ARHGAP18: variants seen among roughly 807,000 people sequenced by gnomAD.
ARHGAP18 encodes rho GTPase-activating protein 18.
ARHGAP18 carries 67 observed loss-of-function variants against 86.2 expected under a neutral mutation model. That is an observed-to-expected ratio of 0.78 (90% confidence interval 0.64 to 0.95). The LOEUF is 0.95. Ranked by LOEUF, ARHGAP18 falls within the 40% of genes least tolerant of loss-of-function variation. The probability of loss-of-function intolerance (pLI) is 0.00; values close to 1 mark genes in which losing one functional copy is unlikely to be tolerated. For synonymous variants in ARHGAP18, 283 were observed against 280.4 expected (o/e 1.01, Z -0.09); for missense variants, 691 against 780.4 (o/e 0.89, Z 1.37).
intron 1 of ARHGAP18, among the ~76,000 whole-genome samples, chr6:129,653,330 C>T (rs188489358): frequency 3.9e-5 from 6 of 152,096 alleles, no homozygotes; most frequent in South Asian, 2.1e-4. Flanking sequence ...GCAGCACTTC[C>T]GTGGTAAATA....
At chr6:129,640,221 A>C (rs1773426703) in intron 2 of ARHGAP18, among the ~76,000 whole-genome samples, 1 of 152,184 alleles carries the variant, frequency 6.6e-6, no homozygotes, top group Non-Finnish European at 1.5e-5. Context: ...AAAAAGTAGA[A>C]GTAAAACTTA....
chr6:129,703,350 A>G (rs1774750505), intron 1 of ARHGAP18, among the ~76,000 whole-genome samples: 1 of 152,254 alleles, frequency 6.6e-6, no homozygotes, highest in Admixed American at 6.5e-5. Flanking sequence ...TATGATAAAT[A>G]ATAACAGAAC....
chr6:129,709,376 CCT>C (rs990914732), intron 1 of ARHGAP18, among the ~76,000 whole-genome samples: 24 of 152,232 alleles, frequency 1.6e-4, no homozygotes, highest in African/African-American at 5.8e-4. Context: ...GAACATTTGC[CCT>C]CTCTGCCTAT....
intron 1 of ARHGAP18, among the ~76,000 whole-genome samples, chr6:129,649,553 C>CAAAAAA (rs35700328): frequency 6.0e-5 from 3 of 49,998 alleles, no homozygotes; most frequent in South Asian, 1.0e-3. Flanking sequence ...TCTCTGTCTC[C>CAAAAAA]AAAAAAAAAA....
At chr6:129,658,765 C>T (rs1373291218) in intron 1 of ARHGAP18, among the ~76,000 whole-genome samples, 2 of 151,936 alleles carry the variant, frequency 1.3e-5, no homozygotes, top group Admixed American at 6.5e-5. Context: ...GAACTGAGTT[C>T]ACTGGTAGAG....
rs1469893789 is a variant in ARHGAP18, at chr6:129,580,105, C to T, written c.1865G>A (p.Gly622Glu). The T allele has an allele frequency of 6.2e-7, 1 of 1,613,466 alleles. No individual in the cohort carries two copies. The highest frequency in any genetic ancestry group is 1.7e-5 in the Admixed American group (1 of 59,962). The change falls in exon 14 of 15, where the codon GGA (glycine) becomes GAA (glutamate). Residue 622 changes from glycine (G) to glutamate (E), a missense_variant. Physicochemically the swap from Gly to Glu is moderately conservative, Grantham distance 98 (BLOSUM62 -2). Transcript: ENST00000368149. ...ESGVAQTLKKGEVFLYEIGGN... is the reference protein window; with the variant it reads ...ESGVAQTLKKEEVFLYEIGGN... ...TCCAATTTCATACAAAAAAACTTCT[C>T]CTTTCTTGAGAGTCTGGGCAACCCC...
chr6:129,648,728 T>C (rs1245864170), intron 1 of ARHGAP18, among the ~76,000 whole-genome samples: 4 of 141,470 alleles, frequency 2.8e-5, no homozygotes, highest in South Asian at 2.2e-4. Flanking sequence ...ATTATCTCTA[T>C]GTTAGAAAAA....
At chr6:129,592,100 A>AT (rs67212346) in intron 12 of ARHGAP18, among the ~76,000 whole-genome samples, 68 of 151,610 alleles carry the variant, frequency 4.5e-4, no homozygotes, top group Middle Eastern at 3.4e-3. Context: ...AAGTTCTAAT[A>AT]TTTTTTTTTA....
rs138161171 is a variant in ARHGAP18, at chr6:129,629,352, C to G, written c.786+1G>C. On this transcript the variant is annotated splice_donor_variant, in intron 5 of 14. Transcript: ENST00000368149. LOFTEE classifies it high-confidence loss of function. ...ATATTTATAAAGAGTGTACTACGTA[C>G]AGGTAATGTGGCATCATCGCCTTTG... 1 of 1,612,870 alleles carries G rather than the reference C, an allele frequency of 6.2e-7. No homozygotes were observed. The highest frequency in any genetic ancestry group is 1.1e-5 in the South Asian group (1 of 91,004).
intron 1 of ARHGAP18, among the ~76,000 whole-genome samples, chr6:129,700,681 G>A (rs1238176404): frequency 6.6e-6 from 1 of 152,132 alleles, no homozygotes; most frequent in East Asian, 1.9e-4. Flanking sequence ...CGTACTTTAT[G>A]TCAAGCACTC....
chr6:129,648,793 A>C (rs1005286334), intron 1 of ARHGAP18, among the ~76,000 whole-genome samples: 9 of 152,134 alleles, frequency 5.9e-5, no homozygotes, highest in African/African-American at 1.9e-4. Context: ...AGCGATATTA[A>C]AGAACTACTG....
At chr6:129,612,323 G>A (rs1788996806) in intron 7 of ARHGAP18, among the ~76,000 whole-genome samples, 2 of 152,166 alleles carry the variant, frequency 1.3e-5, no homozygotes, top group African/African-American at 2.4e-5. Flanking sequence ...CATTCCCTGA[G>A]CAGTACACAA....
intron 1 of ARHGAP18, among the ~76,000 whole-genome samples, chr6:129,672,899 GAAGA>G (rs1243533579): frequency 1.3e-5 from 2 of 152,286 alleles, no homozygotes; most frequent in African/African-American, 4.8e-5. Flanking sequence ...GACTTTCAGA[GAAGA>G]AAGAAATCTA....
intron 12 of ARHGAP18, among the ~76,000 whole-genome samples, chr6:129,596,560 C>T (rs571341481): frequency 2.6e-5 from 4 of 152,246 alleles, no homozygotes; most frequent in Admixed American, 6.5e-5. Flanking sequence ...AGAATTTAAG[C>T]TCTGGAAGAG....
chr6:129,664,301 C>G (rs535196867), intron 1 of ARHGAP18, among the ~76,000 whole-genome samples: 29 of 152,292 alleles, frequency 1.9e-4, no homozygotes, highest in African/African-American at 5.3e-4. Context: ...GATTGTGGTC[C>G]TTCCTTTATC....
At chr6:129,640,315 A>G (rs919759741) in intron 2 of ARHGAP18, among the ~76,000 whole-genome samples, 49 of 152,344 alleles carry the variant, frequency 3.2e-4, no homozygotes, top group Middle Eastern at 3.4e-3. Context: ...ATAATAATCA[A>G]TGACTCTAAT....
chr6:129,704,349 G>T (rs1030819715), intron 1 of ARHGAP18, among the ~76,000 whole-genome samples: 1 of 152,086 alleles, frequency 6.6e-6, no homozygotes, highest in Non-Finnish European at 1.5e-5. Flanking sequence ...GGAGCCTGAG[G>T]CATGAGAATC....
intron 1 of ARHGAP18, among the ~76,000 whole-genome samples, chr6:129,686,978 C>CTTTTTTTTTTTTTTTTTTTTT (rs71028176): frequency 1.9e-5 from 2 of 106,936 alleles, no homozygotes; most frequent in Non-Finnish European, 3.8e-5. Flanking sequence ...TTTTTTTTTT[C>CTTTTTTTTTTTTTTTTTTTTT]TTTTTTTTTT....
chr6:129,664,837 G>C (rs777975007), intron 1 of ARHGAP18, among the ~76,000 whole-genome samples: 1 of 152,126 alleles, frequency 6.6e-6, no homozygotes, highest in Non-Finnish European at 1.5e-5. Context: ...AAATTAGGTG[G>C]GTTAAGAGGA....
Sources: gnomAD v4.1 joint callset for allele counts (sites outside exome capture counted in the v4.1 genomes callset) on GRCh38, gnomAD v4.1.1 for gene constraint, MANE v1.5 for transcripts, NCBI Gene and HGNC (gene_info 2026-07-23, HGNC 2026-07-21) for gene names.